The following VLDLR variants were observed in gnomAD, a reference collection of about 807,000 sequenced individuals.
VLDLR encodes the protein very low density lipoprotein receptor, also known as very low-density lipoprotein receptor.
VLDLR carries 81 observed loss-of-function variants against 112.7 expected under a neutral mutation model. That is an observed-to-expected ratio of 0.72 (90% CI 0.60 to 0.86). The LOEUF is 0.86. Ranked by LOEUF, VLDLR falls within the 40% of genes least tolerant of loss-of-function variation. The pLI is 0.00. For missense variants in VLDLR, 1,237 were observed against 1,099.4 expected, an observed-to-expected ratio of 1.13 and a Z score of -1.77; for synonymous variants, 436 against 384.8, an observed-to-expected ratio of 1.13 and a Z score of -1.56.
Position 2,646,703 on chromosome 9 carries a change from C to T in VLDLR, c.1703+151C>T, listed in dbSNP as rs1195208479. The stretch of plus-strand genomic sequence containing the variant: ...CTAATTTAAGATATCAGTTTTGCCC[C>T]AGGTGAGTGACCCTGGGATGTCCTT... On this transcript the variant is annotated intron_variant, in intron 11 of 18. Coordinates refer to ENST00000382100, the MANE Select transcript of VLDLR (RefSeq NM_003383.5). 3 of 830,390 alleles carry T rather than the reference C, an allele frequency of 3.6e-6. No individual in the cohort carries two copies. In the African/African-American group the frequency reaches 5.1e-5, roughly 14 times the overall value. 51.4% of individuals were successfully genotyped at this position (830,390 alleles called of 1,614,324 possible).
intron 15 of VLDLR, 35 bp downstream of exon 15, chr9:2,650,551 C>A: frequency 6.2e-7 from 1 of 1,610,552 alleles, no homozygotes; most frequent in South Asian, 1.1e-5. Flanking sequence ...CAAGTAGAAC[C>A]TACAACAAGC....
Position 2,658,620 on chromosome 9 carries a change from T to G in VLDLR, c.*4752T>G, listed in dbSNP as rs907610051. 6.6e-6 allele frequency: 1 copy of G among 152,226 alleles called. No individual in the cohort carries two copies. Among genetic ancestry groups the G allele is most frequent in the African/African-American group, 2.4e-5 (1 of 41,452 alleles). 9.4% of individuals were successfully genotyped at this position (152,226 alleles called of 1,614,324 possible). On this transcript the variant is annotated 3_prime_UTR_variant, in exon 19 of 19. Transcript: ENST00000382100. ...CCTTGGGCAAGTTACTAACTCCCTC[T>G]GTAAAGTAGAGACGATGGGGACTGT...
At chr9:2,633,268 C>A (rs988886212) in intron 1 of VLDLR, among the ~76,000 whole-genome samples, 1 of 152,108 alleles carries the variant, frequency 6.6e-6, no homozygotes, top group Non-Finnish European at 1.5e-5. Flanking sequence ...TAGAGCAGAG[C>A]TGCTAGGATT....
In VLDLR at chr9:2,644,736, A is replaced by G. The variant is rs762322213; in HGVS notation, c.1069A>G (p.Ile357Val). ...TGACTACTACATTTTTATTCCAGATATAAACGAATGCTTGGTAAATAATGG... is the reference window on the plus strand; with the variant it reads ...TGACTACTACATTTTTATTCCAGATGTAAACGAATGCTTGGTAAATAATGG... ...WSDEPLKECHINECLVNNGGC... is the reference protein window; with the variant it reads ...WSDEPLKECHVNECLVNNGGC... Residue 357 changes from isoleucine (I) to valine (V), a missense_variant and splice_region_variant, in exon 8 of 19, where the codon ATA (isoleucine) becomes GTA (valine). Transcript: ENST00000382100. The G allele has an allele frequency of 9.9e-6, 16 of 1,614,076 alleles. No individual in the cohort carries two copies. In the Admixed American group the frequency reaches 1.2e-4, roughly 12 times the overall value.
intron 1 of VLDLR, among the ~76,000 whole-genome samples, chr9:2,630,838 A>G (rs1817317242): frequency 6.6e-6 from 1 of 152,220 alleles, no homozygotes; most frequent in African/African-American, 2.4e-5. Flanking sequence ...GGACTTAATT[A>G]AACTAAAAAG....
rs1352136131 is a variant in VLDLR, at chr9:2,635,581, A to T, written c.202+9A>T. On this transcript the variant is annotated intron_variant, in intron 2 of 18. Coordinates refer to ENST00000382100, the MANE Select transcript of VLDLR (RefSeq NM_003383.5). ...TGATGAAAAGAACTGTGGTAAGTAA[A>T]GAGTTTGATGACTTATGCATTTTGT... is the stretch of plus-strand genomic sequence containing the variant. 1.2e-6 allele frequency: 2 copies of T among 1,614,014 alleles called. No homozygotes were observed. Among genetic ancestry groups the T allele is most frequent in the African/African-American group, 1.3e-5 (1 of 75,070 alleles).
At position 2,649,899 on chromosome 9, in the gene VLDLR, C is replaced by A. The variant is rs1462429778; in HGVS notation, c.2105-471C>A. On this transcript the variant is annotated intron_variant, in intron 14 of 18. Coordinates refer to ENST00000382100, the MANE Select transcript of VLDLR (RefSeq NM_003383.5). Reference sequence around the variant, plus strand: ...GGATTGTGTAGATTCTCAAACACATCGGGTTATATTATCTCCTGCTGAAAA... The same window carrying A: ...GGATTGTGTAGATTCTCAAACACATAGGGTTATATTATCTCCTGCTGAAAA... Among the ~76,000 whole-genome samples, 3 of 151,990 alleles carry A rather than the reference C, an allele frequency of 2.0e-5. No homozygotes were observed. The South Asian group carries it at 6.2e-4, about 32-fold the overall frequency.
Position 2,648,254 on chromosome 9 carries a change from G to A in VLDLR, c.1869G>A (p.Met623Ile). The change falls in exon 13 of 19, where the codon ATG (methionine) becomes ATA (isoleucine). Residue 623 changes from methionine (M) to isoleucine (I), a missense_variant. Transcript: ENST00000382100. ...ATTGGCTTGATTCTAAGTTGCACAT[G>A]TTATCCAGCGTGGACTTGAATGGCC... ...RLYWLDSKLH[M>I]LSSVDLNGQD... is the part of the protein sequence containing the mutation. 6.2e-7 allele frequency: 1 copy of A among 1,614,188 alleles called. No homozygotes were observed. The highest frequency in any genetic ancestry group is 8.5e-7 in the Non-Finnish European group (1 of 1,180,006).
chr9:2,632,522 T>C (rs1418102796), intron 1 of VLDLR, among the ~76,000 whole-genome samples: 2 of 152,206 alleles, frequency 1.3e-5, no homozygotes, highest in East Asian at 1.9e-4. Flanking sequence ...TAATACTGAA[T>C]TTGAGACGTA....
intron 1 of VLDLR, among the ~76,000 whole-genome samples, chr9:2,629,629 A>C (rs1032590632): frequency 7.9e-5 from 12 of 152,252 alleles, no homozygotes; most frequent in African/African-American, 2.9e-4. Flanking sequence ...GACCAACAAC[A>C]AAAACGATTT....
intron 1 of VLDLR, 32 bp downstream of exon 1, chr9:2,622,303 C>A: frequency 6.9e-7 from 1 of 1,441,170 alleles, no homozygotes; most frequent in South Asian, 1.4e-5. Context: ...CGCCGGCGGG[C>A]GGGACCCAGC....
At chr9:2,636,940 G>C (rs1162636730) in intron 2 of VLDLR, among the ~76,000 whole-genome samples, 1 of 152,048 alleles carries the variant, frequency 6.6e-6, no homozygotes, top group Admixed American at 6.5e-5. Flanking sequence ...TTTTTACCAT[G>C]TGACTCAGTA....
rs34259453 is a variant in VLDLR at position 2,631,642 on chromosome 9, A to G, written c.83-3811A>G. The stretch of plus-strand genomic sequence containing the variant: ...TTCCATGGAGGTAGATGGTAGAAAG[A>G]TGACAGAGACTCAGAAGTAGGGGGA... On this transcript the variant is annotated intron_variant, in intron 1 of 18. Transcript: ENST00000382100. Among the ~76,000 whole-genome samples, 166 of 152,294 alleles carry G rather than the reference A, an allele frequency of 1.1e-3. 1 individual carries two copies. The highest frequency in any genetic ancestry group is 3.7e-3 in the African/African-American group (154 of 41,574).
chr9:2,637,007 C>G (rs752365735), intron 2 of VLDLR, among the ~76,000 whole-genome samples: 9 of 152,174 alleles, frequency 5.9e-5, no homozygotes, highest in African/African-American at 1.9e-4. Context: ...TAAGTACTCT[C>G]TACTAGCCAC....
In VLDLR at chr9:2,651,436, A is replaced by G. The variant is rs765302580; in HGVS notation, c.2273A>G (p.Tyr758Cys). 11 of 1,613,896 alleles carry G rather than the reference A, an allele frequency of 6.8e-6. No individual in the cohort carries two copies. The Admixed American group carries it at 1.8e-4, about 27-fold the overall frequency. Residue 758 changes from tyrosine to cysteine, a missense_variant, in exon 16 of 19, where the codon TAC (tyrosine) becomes TGC (cysteine). Tyr to Cys is a radical substitution (Grantham distance 194). Transcript: ENST00000382100. ...TCAGGTACTGCAACTACTGTGACTTACAGTGAGACAAAAGATACGAACACA... is the reference window on the plus strand; with the variant it reads ...TCAGGTACTGCAACTACTGTGACTTGCAGTGAGACAAAAGATACGAACACA... ...DCQSTATTVT[Y>C]SETKDTNTTE... is the part of the protein sequence containing the mutation.
chr9:2,650,799 T>A (rs1428971823), intron 15 of VLDLR, among the ~76,000 whole-genome samples: 3 of 152,200 alleles, frequency 2.0e-5, no homozygotes, highest in Non-Finnish European at 2.9e-5. Context: ...GGTAATTAAA[T>A]GAGGCCTTAA....
chr9:2,625,118 C>T (rs976603657), intron 1 of VLDLR, among the ~76,000 whole-genome samples: 18 of 152,192 alleles, frequency 1.2e-4, no homozygotes, highest in Non-Finnish European at 2.6e-4. Flanking sequence ...AAGACCTGAT[C>T]CAAGTGTCTC....
Position 2,639,878 on chromosome 9 carries a change from A to T in VLDLR, c.222A>T (p.Glu74Asp). ...TTGTAGTAAAGAAGACGTGTGCTGA[A>T]TCTGACTTCGTGTGCAACAATGGCC... ...EKNCVKKTCAESDFVCNNGQC... is the reference protein window; with the variant it reads ...EKNCVKKTCADSDFVCNNGQC... Residue 74 changes from glutamate to aspartate, a missense_variant, in exon 3 of 19, where the codon GAA (glutamate) becomes GAT (aspartate). Transcript: ENST00000382100. 1 of 1,614,180 alleles carries T rather than the reference A, an allele frequency of 6.2e-7. No individual in the cohort carries two copies. Among genetic ancestry groups the T allele is most frequent in the Non-Finnish European group, 8.5e-7 (1 of 1,180,032 alleles).
Position 2,622,260 on chromosome 9 carries a change from C to A in VLDLR, c.71C>A (p.Ala24Asp), listed in dbSNP as rs754340855. 594 of 1,491,290 alleles carry A rather than the reference C, an allele frequency of 4.0e-4. 4 individuals are homozygous for A. The highest frequency in any genetic ancestry group is 2.0e-4 in the Middle Eastern group (1 of 5,000). The allele number at this position is 1,491,290 out of a possible 1,614,324, so 92.4% of individuals were successfully genotyped here. ...TGCTGGGCGCCCCGGGAGAGCGGCG[C>A]CACCGGAACCGGTGAGTGAGGACGC... is the stretch of plus-strand genomic sequence containing the variant. Reference protein sequence around the residue: ...ALCWAPRESGATGTGRKAKCE... With the variant: ...ALCWAPRESGDTGTGRKAKCE... The change falls in exon 1 of 19, where the codon GCC (alanine) becomes GAC (aspartate). Residue 24 changes from alanine (A) to aspartate (D), a missense_variant. Transcript: ENST00000382100.
Sources: allele counts gnomAD v4.1 joint callset (sites outside exome capture counted in the v4.1 genomes callset), GRCh38; gene constraint gnomAD v4.1.1; transcripts MANE v1.5; gene names NCBI Gene and HGNC (gene_info 2026-07-23, HGNC 2026-07-21).